The following TMEM150C variants were observed in gnomAD, a reference collection of about 807,000 sequenced individuals.
TMEM150C encodes the protein tentonin 3.
TMEM150C carries 10 observed loss-of-function variants against 29.9 expected under a neutral mutation model. The ratio of observed to expected loss-of-function variants is 0.33; its 90% CI spans 0.21 to 0.57. The LOEUF is 0.57. Among genes scored for constraint, TMEM150C ranks in the 20% least tolerant of loss-of-function variants. The pLI, the probability that TMEM150C is intolerant of heterozygous loss-of-function variation, is 0.88. For synonymous variants in TMEM150C, 101 were observed against 112.5 expected (o/e 0.90, Z 0.64); for missense variants, 251 against 303.6 (o/e 0.83, Z 1.29).
intron 1 of TMEM150C, among the ~76,000 whole-genome samples, chr4:82,553,538 T>G (rs184508137): frequency 6.6e-6 from 1 of 152,338 alleles, no homozygotes; most frequent in East Asian, 1.9e-4. Flanking sequence ...TTTCTGGCTC[T>G]GAGACACTGA....
chr4:82,514,069 C>A (rs894503645), intron 1 of TMEM150C, among the ~76,000 whole-genome samples: 2 of 152,228 alleles, frequency 1.3e-5, no homozygotes, highest in African/African-American at 4.8e-5. Flanking sequence ...AACCCCAGCA[C>A]CCACTTCAGA....
At chr4:82,527,031 T>C (rs946690186) in intron 1 of TMEM150C, among the ~76,000 whole-genome samples, 2 of 148,894 alleles carry the variant, frequency 1.3e-5, no homozygotes, top group African/African-American at 5.0e-5. Context: ...TTTTTTTTTT[T>C]TTTTTTTTTT....
intron 1 of TMEM150C, among the ~76,000 whole-genome samples, chr4:82,506,431 A>C (rs1723923070): frequency 6.6e-6 from 1 of 152,198 alleles, no homozygotes; most frequent in Admixed American, 6.5e-5. Context: ...TACAGAATCT[A>C]GTTTACAGAT....
intron 1 of TMEM150C, among the ~76,000 whole-genome samples, chr4:82,508,604 T>C (rs1186765506): frequency 1.3e-5 from 2 of 152,126 alleles, no homozygotes; most frequent in Non-Finnish European, 2.9e-5. Flanking sequence ...TAGCTGGGAT[T>C]ACAGGCACCT....
intron 7 of TMEM150C, 129 bp downstream of exon 7, chr4:82,489,932 C>T: frequency 2.2e-6 from 2 of 893,116 alleles, no homozygotes; most frequent in South Asian, 1.9e-5. Flanking sequence ...GTTTTTATAC[C>T]TGTTTACCTT....
At chr4:82,524,949 A>G (rs1337283327) in intron 1 of TMEM150C, among the ~76,000 whole-genome samples, 1 of 152,170 alleles carries the variant, frequency 6.6e-6, no homozygotes, top group Non-Finnish European at 1.5e-5. Context: ...TACAAACTAA[A>G]TGAGAAGGAT....
chr4:82,531,575 C>T (rs1454251463), intron 1 of TMEM150C, among the ~76,000 whole-genome samples: 3 of 151,768 alleles, frequency 2.0e-5, no homozygotes, highest in South Asian at 2.1e-4. Context: ...GCCAACATGG[C>T]GAAACCTCAT....
Position 82,504,665 on chromosome 4 carries a change from C to T in TMEM150C, c.-8G>A. On this transcript the variant is annotated splice_region_variant and 5_prime_UTR_variant, in exon 2 of 8. Coordinates refer to ENST00000449862, the MANE Select transcript of TMEM150C (RefSeq NM_001080506.3). The stretch of plus-strand genomic sequence containing the variant: ...GCATTTCTTCCCATCCATGCCTGTA[C>T]CACTGAAATAAAATAAACACGTATT... The T allele has an allele frequency of 6.2e-7, 1 of 1,610,598 alleles. No homozygotes were observed. Among genetic ancestry groups the T allele is most frequent in the Non-Finnish European group, 8.5e-7 (1 of 1,177,278 alleles).
intron 6 of TMEM150C, chr4:82,491,056 G>A: frequency 1.4e-6 from 1 of 726,654 alleles, no homozygotes; most frequent in Non-Finnish European, 2.5e-6. Context: ...AGACGTCCCA[G>A]TCTTGCCTTC....
intron 1 of TMEM150C, among the ~76,000 whole-genome samples, chr4:82,538,837 G>C (rs1414498979): frequency 6.6e-6 from 1 of 152,176 alleles, no homozygotes; most frequent in Non-Finnish European, 1.5e-5. Flanking sequence ...GAGGTGGGCA[G>C]ATTGCTTGAG....
chr4:82,554,431 A>C (rs1277372519), intron 1 of TMEM150C, among the ~76,000 whole-genome samples: 2 of 152,338 alleles, frequency 1.3e-5, no homozygotes, highest in East Asian at 3.8e-4. Flanking sequence ...CTCATGAATC[A>C]ACAGAATGAA....
intron 1 of TMEM150C, among the ~76,000 whole-genome samples, chr4:82,514,060 A>G (rs568042419): frequency 3.3e-5 from 5 of 152,344 alleles, no homozygotes; most frequent in Admixed American, 3.3e-4. Context: ...GCGGGGGATA[A>G]CCCCAGCACC....
intron 1 of TMEM150C, among the ~76,000 whole-genome samples, chr4:82,525,893 AC>A (rs1724636825): frequency 6.6e-6 from 1 of 152,066 alleles, no homozygotes; most frequent in Non-Finnish European, 1.5e-5. Context: ...AAAAAAAAAA[AC>A]ATTTTCTTTT....
chr4:82,502,778 G>T lies in TMEM150C; in HGVS notation c.184C>A (p.Pro62Thr), dbSNP rs1221681987. 1.2e-6 allele frequency: 2 copies of T among 1,607,486 alleles called. No individual in the cohort carries two copies. The highest frequency in any genetic ancestry group is 3.4e-5 in the Admixed American group (2 of 59,140). ...APYISIAGDD[P>T]PASCVFSQVM... Reference sequence around the variant, plus strand: ...TGACTAAACACACAGCTTGCAGGAGGATCATCACCTGCAATGCTTGAAAAA... The same window carrying T: ...TGACTAAACACACAGCTTGCAGGAGTATCATCACCTGCAATGCTTGAAAAA... The change falls in exon 5 of 8, where the codon CCT becomes ACT. Residue 62 changes from proline to threonine, a missense_variant. Coordinates refer to ENST00000449862, the MANE Select transcript of TMEM150C (RefSeq NM_001080506.3).
At chr4:82,489,197 G>T in intron 7 of TMEM150C, among the ~76,000 whole-genome samples, 1 of 151,556 alleles carries the variant, frequency 6.6e-6, no homozygotes. Flanking sequence ...CCACTCCATG[G>T]AATGAGTGAC....
intron 1 of TMEM150C, among the ~76,000 whole-genome samples, chr4:82,541,653 T>G (rs1018236828): frequency 6.6e-6 from 1 of 152,344 alleles, no homozygotes; most frequent in South Asian, 2.1e-4. Context: ...CAAATCAATT[T>G]GTACACATTT....
chr4:82,516,755 T>C (rs1005156358), intron 1 of TMEM150C, among the ~76,000 whole-genome samples: 2 of 152,230 alleles, frequency 1.3e-5, no homozygotes, highest in Admixed American at 1.3e-4. Flanking sequence ...ATGTAGAATA[T>C]GCTTTTAATG....
chr4:82,516,338 C>T (rs1318988620), intron 1 of TMEM150C, among the ~76,000 whole-genome samples: 2 of 152,202 alleles, frequency 1.3e-5, no homozygotes, highest in African/African-American at 4.8e-5. Flanking sequence ...ATAATTCTTC[C>T]ATGCTCCATT....
chr4:82,502,409 T>A (rs1723764474), intron 5 of TMEM150C, among the ~76,000 whole-genome samples: 1 of 152,174 alleles, frequency 6.6e-6, no homozygotes, highest in Non-Finnish European at 1.5e-5. Flanking sequence ...AGCAAATGTA[T>A]TATACAATAT....
Sources: gnomAD v4.1 joint callset for allele counts (sites outside exome capture counted in the v4.1 genomes callset) on GRCh38, gnomAD v4.1.1 for gene constraint, MANE v1.5 for transcripts, NCBI Gene and HGNC (gene_info 2026-07-23, HGNC 2026-07-21) for gene names.